The following PRDM16 variants were observed in gnomAD, a reference collection of about 807,000 sequenced individuals.
PRDM16 encodes the protein histone-lysine N-methyltransferase PRDM16.
Under a neutral mutation model 110.6 loss-of-function variants are expected in PRDM16, and 23 were observed. The observed-to-expected ratio is 0.21, with a 90% confidence interval of 0.15 to 0.29. PRDM16 has a LOEUF of 0.29. PRDM16 is among the 10% of genes least tolerant of loss of function. The pLI is 1.00. For missense variants in PRDM16, 1,615 were observed against 1,794.3 expected, an observed-to-expected ratio of 0.90 and a Z score of 1.81; for synonymous variants, 799 against 781.8, an observed-to-expected ratio of 1.02 and a Z score of -0.37.
intron 1 of PRDM16, among the ~76,000 whole-genome samples, chr1:3,169,998 G>A (rs1193096229): frequency 1.3e-5 from 2 of 152,254 alleles, no homozygotes; most frequent in African/African-American, 4.8e-5. Context: ...AAATCATTTC[G>A]ACAAGTCAAA....
intron 1 of PRDM16, among the ~76,000 whole-genome samples, chr1:3,156,173 C>G: frequency 6.6e-6 from 1 of 152,232 alleles, no homozygotes; most frequent in East Asian, 1.9e-4. Context: ...TTTAGATAAC[C>G]TACTTTGAGC....
chr1:3,279,372 C>T (rs1476767927), intron 3 of PRDM16, among the ~76,000 whole-genome samples: 2 of 152,010 alleles, frequency 1.3e-5, no homozygotes, highest in Non-Finnish European at 2.9e-5. Flanking sequence ...CGGGCCCTCG[C>T]GGTGCCTCGG....
chr1:3,351,456 T>A (rs1379395764), intron 3 of PRDM16, among the ~76,000 whole-genome samples: 1 of 145,506 alleles, frequency 6.9e-6, no homozygotes, highest in East Asian at 2.0e-4. Flanking sequence ...ACATAGGTCT[T>A]CTCCTTCCCA....
At chr1:3,188,929 T>C (rs7545618) in intron 2 of PRDM16, among the ~76,000 whole-genome samples, 2,058 of 152,290 alleles carry the variant, frequency 0.014, 45 homozygotes, top group African/African-American at 0.047. Flanking sequence ...GCCACCTCAG[T>C]TGGGGCCTTT....
Position 3,433,779 on chromosome 1 carries a change from T to C in PRDM16, c.3799T>C (p.Ser1267Pro). ...GAAGGTCACTGGAGCCACGTCGGAGTCTGGAGCATTTCACCCCATCAACCA... is the reference window on the plus strand; with the variant it reads ...GAAGGTCACTGGAGCCACGTCGGAGCCTGGAGCATTTCACCCCATCAACCA... ...WLKVTGATSE[S>P]GAFHPINHL The change falls in exon 17 of 17, where the codon TCT becomes CCT. Residue 1267 changes from serine to proline, a missense_variant. Physicochemically the swap from Ser to Pro is moderately conservative, Grantham distance 74. Around this residue, in one of 5 missense-constraint regions of PRDM16, gnomAD observed 327 missense variants for 359.3 expected, o/e 0.91. Transcript: ENST00000270722. 6.2e-7 allele frequency: 1 copy of C among 1,613,620 alleles called. No individual in the cohort carries two copies. The highest frequency in any genetic ancestry group is 8.5e-7 in the Non-Finnish European group (1 of 1,179,872).
In PRDM16 at chr1:3,435,459, CAT is replaced by C. The variant is rs1205740602; in HGVS notation, c.*1651_*1652del. 8.7e-6 allele frequency: 2 copies of C among 230,636 alleles called. No homozygotes were observed. The highest frequency in any genetic ancestry group is 1.7e-5 in the Non-Finnish European group (2 of 116,642). The allele number at this position is 230,636 out of a possible 1,614,324, so 14.3% of individuals were successfully genotyped here. On this transcript the variant is annotated 3_prime_UTR_variant, in exon 17 of 17. Transcript: ENST00000270722. ...TCCCTGCTGCCGTTTACCAGACAATCATATGTTTTTGTTAAATTTGCGTTTCA... is the reference window on the plus strand; with the variant it reads ...TCCCTGCTGCCGTTTACCAGACAATCATGTTTTTGTTAAATTTGCGTTTCA...
intron 2 of PRDM16, among the ~76,000 whole-genome samples, chr1:3,189,717 C>A (rs543833014): frequency 6.6e-6 from 1 of 152,296 alleles, no homozygotes; most frequent in Admixed American, 6.5e-5. Flanking sequence ...GCCTAGAGCA[C>A]GGTGTTGTGG....
Position 3,425,836 on chromosome 1 carries a change from C to A in PRDM16, c.3109+86C>A. 6.5e-7 allele frequency: 1 copy of A among 1,527,204 alleles called. No homozygotes were observed. The highest frequency in any genetic ancestry group is 8.9e-7 in the Non-Finnish European group (1 of 1,118,536). 94.6% of individuals were successfully genotyped at this position (1,527,204 alleles called of 1,614,324 possible). ...GGAGGGGGAACAGCAGGGGAGTGGG[C>A]GCCGGGCAGGGAAGAGGGCCACAGA... On this transcript the variant is annotated intron_variant, in intron 13 of 16. Transcript: ENST00000270722. This position sits in a 1 kb window ranked among gnomAD's most constrained non-coding sequence, Gnocchi z 6.9.
At chr1:3,224,584 T>C (rs1394882055) in intron 2 of PRDM16, among the ~76,000 whole-genome samples, 1 of 152,214 alleles carries the variant, frequency 6.6e-6, no homozygotes, top group Admixed American at 6.5e-5. Context: ...TCTTTTTCTT[T>C]CCTTAGAGAA....
At chr1:3,386,422 G>A (rs945795861) in intron 4 of PRDM16, among the ~76,000 whole-genome samples, 5 of 152,238 alleles carry the variant, frequency 3.3e-5, no homozygotes, top group African/African-American at 4.8e-5. Flanking sequence ...CCGGCTGGCT[G>A]CCAGGGGCTC....
chr1:3,280,916 A>G (rs16823783), intron 3 of PRDM16, among the ~76,000 whole-genome samples: 10,845 of 152,210 alleles, frequency 0.071, 658 homozygotes, highest in East Asian at 0.3. Context: ...GGCTTTTGTC[A>G]AATCTCCATC....
chr1:3,099,734 T>C (rs1642488877), intron 1 of PRDM16, among the ~76,000 whole-genome samples: 1 of 152,126 alleles, frequency 6.6e-6, no homozygotes, highest in Non-Finnish European at 1.5e-5. Flanking sequence ...CAGGCCGCCA[T>C]GGCAGGTATG....
intron 3 of PRDM16, among the ~76,000 whole-genome samples, chr1:3,289,532 G>C (rs1310360554): frequency 6.6e-6 from 1 of 152,204 alleles, no homozygotes; most frequent in Admixed American, 6.5e-5. Context: ...GCCAGGGCTG[G>C]GGGCTTGGGT....
chr1:3,074,432 CGT>C (rs1015408366), intron 1 of PRDM16, among the ~76,000 whole-genome samples: 1 of 151,508 alleles, frequency 6.6e-6, no homozygotes, highest in Non-Finnish European at 1.5e-5. Flanking sequence ...TGTGTGTGCG[CGT>C]GTGTGTGTGC....
chr1:3,284,161 C>T (rs998209156), intron 3 of PRDM16, among the ~76,000 whole-genome samples: 6 of 152,214 alleles, frequency 3.9e-5, no homozygotes, highest in South Asian at 2.1e-4. Context: ...CGCCCTCTAT[C>T]GCCTGCCTGG....
chr1:3,085,878 C>A (rs1642138594), intron 1 of PRDM16, among the ~76,000 whole-genome samples: 1 of 152,242 alleles, frequency 6.6e-6, no homozygotes, highest in Non-Finnish European at 1.5e-5. Context: ...GGCCTTGTCT[C>A]CCCAGAGCTG....
At chr1:3,226,964 T>C (rs1034223059) in intron 2 of PRDM16, among the ~76,000 whole-genome samples, 1 of 152,258 alleles carries the variant, frequency 6.6e-6, no homozygotes, top group Non-Finnish European at 1.5e-5. Flanking sequence ...CTAATTGGAT[T>C]GGTTAATGTT....
rs1000305927 is a variant in PRDM16, at chr1:3,265,329, A to G, written c.438+21192A>G. ...AGGTGTGGGTGGGAAGGGGCTGAAA[A>G]CGGACAGGAGCTAGAGGGCTAAGCT... On this transcript the variant is annotated intron_variant, in intron 3 of 16. Coordinates refer to ENST00000270722, the MANE Select transcript of PRDM16 (RefSeq NM_022114.4). The surrounding 1 kb of genome is among the most constrained non-coding windows in gnomAD (Gnocchi z 4.5). Among the ~76,000 whole-genome samples the G allele has an allele frequency of 3.9e-4, 59 of 151,990 alleles. No homozygotes were observed. Among genetic ancestry groups the G allele is most frequent in the African/African-American group, 1.4e-3 (57 of 41,452 alleles).
intron 3 of PRDM16, among the ~76,000 whole-genome samples, chr1:3,351,519 A>C: frequency 7.0e-5 from 1 of 14,254 alleles, no homozygotes; most frequent in African/African-American, 3.5e-4. Flanking sequence ...GTCACATTGG[A>C]ACCCGTCTCT....
Sources: gnomAD v4.1 joint callset for allele counts (sites outside exome capture counted in the v4.1 genomes callset) on GRCh38, gnomAD v4.1.1 for gene constraint, gnomAD v4.1.1 regional missense constraint, Gnocchi (gnomAD v3.1) non-coding constraint, MANE v1.5 for transcripts, NCBI Gene and HGNC (gene_info 2026-07-23, HGNC 2026-07-21) for gene names.